Variants in KCNB2 observed in about 807,000 individuals in gnomAD.
The protein encoded by KCNB2 is delayed rectifier potassium channel protein.
KCNB2 carries 15 observed loss-of-function variants against 61.5 expected under a neutral mutation model. That is an observed-to-expected ratio of 0.24 (90% CI 0.16 to 0.38). KCNB2 has a LOEUF of 0.38. Among genes scored for constraint, KCNB2 ranks in the 10% least tolerant of loss-of-function variants. The pLI is 1.00. For missense variants in KCNB2, 828 were observed against 1,125.2 expected, an observed-to-expected ratio of 0.74 and a Z score of 3.78; for synonymous variants, 457 against 446.0, an observed-to-expected ratio of 1.02 and a Z score of -0.31.
intron 2 of KCNB2, among the ~76,000 whole-genome samples, chr8:72,769,874 C>A (rs911781391): frequency 1.3e-5 from 2 of 152,070 alleles, no homozygotes; most frequent in Non-Finnish European, 2.9e-5. Context: ...TCATTGTTTC[C>A]AACCCATATT....
At chr8:72,852,253 C>T (rs1362332072) in intron 2 of KCNB2, among the ~76,000 whole-genome samples, 1 of 152,064 alleles carries the variant, frequency 6.6e-6, no homozygotes, top group Non-Finnish European at 1.5e-5. Context: ...GAGAGAGACC[C>T]TGCCTGGAAA....
At chr8:72,583,034 AT>A (rs1217822310) in intron 2 of KCNB2, among the ~76,000 whole-genome samples, 5 of 152,258 alleles carry the variant, frequency 3.3e-5, no homozygotes, top group Admixed American at 2.6e-4. Flanking sequence ...ACTGACTTTC[AT>A]TGTAATCCAA....
chr8:72,902,161 G>T (rs1806102806), intron 2 of KCNB2, among the ~76,000 whole-genome samples: 1 of 152,122 alleles, frequency 6.6e-6, no homozygotes, highest in African/African-American at 2.4e-5. Flanking sequence ...TTAATCTATG[G>T]CAAGGTGGGG....
intron 2 of KCNB2, among the ~76,000 whole-genome samples, chr8:72,813,164 C>T (rs1251136915): frequency 6.6e-6 from 1 of 152,062 alleles, no homozygotes; most frequent in Non-Finnish European, 1.5e-5. Context: ...GTAGGAAGTG[C>T]TAGGAGAATA....
chr8:72,647,401 A>C (rs1351457903), intron 2 of KCNB2, among the ~76,000 whole-genome samples: 1 of 152,142 alleles, frequency 6.6e-6, no homozygotes, highest in Non-Finnish European at 1.5e-5. Flanking sequence ...GTTTGCTAGA[A>C]CTTTTTCGGT....
chr8:72,746,079 A>G (rs1808059610), intron 2 of KCNB2, among the ~76,000 whole-genome samples: 1 of 152,222 alleles, frequency 6.6e-6, no homozygotes, highest in Non-Finnish European at 1.5e-5. Flanking sequence ...GTATTGCAGA[A>G]GCAGTACTTG....
At chr8:72,860,612 C>T (rs761411580) in intron 2 of KCNB2, among the ~76,000 whole-genome samples, 4 of 152,190 alleles carry the variant, frequency 2.6e-5, no homozygotes, top group Non-Finnish European at 5.9e-5. Context: ...AAAGCTGCAG[C>T]TCCATTTGAA....
At chr8:72,735,035 G>A (rs974280198) in intron 2 of KCNB2, among the ~76,000 whole-genome samples, 1 of 152,118 alleles carries the variant, frequency 6.6e-6, no homozygotes, top group Non-Finnish European at 1.5e-5. Flanking sequence ...CAATTCAGTG[G>A]TTTATAATGG....
chr8:72,695,307 C>T (rs1030036005), intron 2 of KCNB2, among the ~76,000 whole-genome samples: 1 of 152,148 alleles, frequency 6.6e-6, no homozygotes, highest in Admixed American at 6.5e-5. Flanking sequence ...GAGTCTTTAA[C>T]AATGTGTCTT....
At chr8:72,555,115 C>CA (rs1806403201) in intron 1 of KCNB2, among the ~76,000 whole-genome samples, 2 of 152,116 alleles carry the variant, frequency 1.3e-5, no homozygotes, top group East Asian at 3.9e-4. Flanking sequence ...ATCTTGGAGG[C>CA]AGCACCTCCT....
chr8:72,600,812 G>C (rs1481353855), intron 2 of KCNB2, among the ~76,000 whole-genome samples: 2 of 151,914 alleles, frequency 1.3e-5, no homozygotes, highest in African/African-American at 4.8e-5. Flanking sequence ...GCATAGAGGG[G>C]AACAACAAAT....
At chr8:72,668,937 ATG>A (rs947071040) in intron 2 of KCNB2, among the ~76,000 whole-genome samples, 1 of 151,772 alleles carries the variant, frequency 6.6e-6, no homozygotes, top group South Asian at 2.1e-4. Context: ...GTGTGCATGC[ATG>A]TGTGTGTGTG....
intron 2 of KCNB2, among the ~76,000 whole-genome samples, chr8:72,647,237 A>G (rs551011724): frequency 1.3e-5 from 2 of 152,150 alleles, no homozygotes; most frequent in African/African-American, 4.8e-5. Flanking sequence ...GGCACTCTCT[A>G]CTAAGGAAAC....
rs114272163 is a variant in KCNB2 at position 72,632,684 on chromosome 8, C to T, written c.579+64371C>T. ...TATTTTGTTACTATCAGAAGAATCACGCAGCTAATTAGTAAGCATTTAATT... is the reference window on the plus strand; with the variant it reads ...TATTTTGTTACTATCAGAAGAATCATGCAGCTAATTAGTAAGCATTTAATT... On this transcript the variant is annotated intron_variant, in intron 2 of 2. Coordinates refer to ENST00000523207, the MANE Select transcript of KCNB2 (RefSeq NM_004770.3). Among the ~76,000 whole-genome samples the T allele has an allele frequency of 6.8e-3, 1,040 of 152,200 alleles. 18 individuals are homozygous for T. The highest frequency in any genetic ancestry group is 0.023 in the African/African-American group (976 of 41,534).
chr8:72,701,295 A>G (rs1260592147), intron 2 of KCNB2, among the ~76,000 whole-genome samples: 1 of 152,186 alleles, frequency 6.6e-6, no homozygotes, highest in Non-Finnish European at 1.5e-5. Context: ...CCAAAACCAA[A>G]CAGGCACTGT....
chr8:72,558,563 C>T (rs967238387), intron 1 of KCNB2, among the ~76,000 whole-genome samples: 2 of 151,808 alleles, frequency 1.3e-5, no homozygotes, highest in Non-Finnish European at 2.9e-5. Flanking sequence ...GCAGGTAACA[C>T]GAGGTAGTGG....
At chr8:72,652,093 G>C (rs1440339) in intron 2 of KCNB2, among the ~76,000 whole-genome samples, 2,986 of 152,132 alleles carry the variant, frequency 0.02, 52 homozygotes, top group South Asian at 0.073. Context: ...CCCACCACTA[G>C]TCCAAGGCCC....
chr8:72,913,464 T>C (rs182779006), intron 2 of KCNB2, among the ~76,000 whole-genome samples: 8 of 152,350 alleles, frequency 5.3e-5, no homozygotes, highest in African/African-American at 1.9e-4. Flanking sequence ...TTCTCCCTTA[T>C]AGAAATACCA....
At chr8:72,725,906 T>G (rs2128993123) in intron 2 of KCNB2, among the ~76,000 whole-genome samples, 1 of 151,880 alleles carries the variant, frequency 6.6e-6, no homozygotes, top group Non-Finnish European at 1.5e-5. Context: ...CACATACCCT[T>G]TTGTCCAACA....
Sources: gnomAD v4.1 joint callset for allele counts (sites outside exome capture counted in the v4.1 genomes callset) on GRCh38, gnomAD v4.1.1 for gene constraint, MANE v1.5 for transcripts, NCBI Gene and HGNC (gene_info 2026-07-23, HGNC 2026-07-21) for gene names.